The following PTPRM variants were observed in gnomAD, a reference collection of about 807,000 sequenced individuals.
PTPRM encodes the protein receptor-type tyrosine-protein phosphatase mu.
Under a neutral mutation model 186.7 loss-of-function variants are expected in PTPRM, and 47 were observed. The ratio of observed to expected loss-of-function variants is 0.25; its 90% CI spans 0.20 to 0.32. The LOEUF (loss-of-function observed/expected upper bound fraction) is 0.32, where lower values mean the gene tolerates loss of function less well. Ranked by LOEUF, PTPRM falls within the 10% of genes least tolerant of loss-of-function variation. The pLI, the probability that PTPRM is intolerant of heterozygous loss-of-function variation, is 1.00. For synonymous variants in PTPRM, 668 were observed against 674.9 expected, an observed-to-expected ratio of 0.99 and a Z score of 0.16; for missense variants, 1,494 against 1,865.0, an observed-to-expected ratio of 0.80 and a Z score of 3.66.
chr18:7,954,141 G>C (rs553816660), intron 6 of PTPRM, among the ~76,000 whole-genome samples: 1 of 152,130 alleles, frequency 6.6e-6, no homozygotes, highest in African/African-American at 2.4e-5. Flanking sequence ...GCCTTTCAAC[G>C]GGCATCTAAC....
intron 1 of PTPRM, among the ~76,000 whole-genome samples, chr18:7,620,349 C>T (rs1386299737): frequency 6.6e-6 from 1 of 152,156 alleles, no homozygotes; most frequent in Non-Finnish European, 1.5e-5. Flanking sequence ...TGGGAATTCT[C>T]AATTTTATGC....
At chr18:7,610,263 T>G (rs1476896939) in intron 1 of PTPRM, among the ~76,000 whole-genome samples, 1 of 152,234 alleles carries the variant, frequency 6.6e-6, no homozygotes, top group East Asian at 1.9e-4. Flanking sequence ...GTTCTCAGAC[T>G]TGGGTTCCTG....
At chr18:7,637,427 CA>C (rs1490390300) in intron 1 of PTPRM, among the ~76,000 whole-genome samples, 1 of 152,136 alleles carries the variant, frequency 6.6e-6, no homozygotes, top group Admixed American at 6.5e-5. Context: ...ACAGCGTCCA[CA>C]GTAGAAAAGG....
At chr18:7,904,457 T>A (rs2146533058) in intron 3 of PTPRM, among the ~76,000 whole-genome samples, 1 of 152,286 alleles carries the variant, frequency 6.6e-6, no homozygotes, top group African/African-American at 2.4e-5. Flanking sequence ...CAACCACTAA[T>A]TTGTCCTCCA....
chr18:8,092,485 C>T (rs1011066447), intron 11 of PTPRM, among the ~76,000 whole-genome samples: 1 of 152,132 alleles, frequency 6.6e-6, no homozygotes, highest in African/African-American at 2.4e-5. Flanking sequence ...GCAATTGTAG[C>T]TCACTGCAGT....
intron 3 of PTPRM, among the ~76,000 whole-genome samples, chr18:7,903,563 G>A (rs1437005123): frequency 6.6e-6 from 1 of 152,196 alleles, no homozygotes. Context: ...ATAGACTTTA[G>A]TAGTAGACAG....
chr18:7,714,384 T>C (rs569383267), intron 1 of PTPRM, among the ~76,000 whole-genome samples: 1 of 152,066 alleles, frequency 6.6e-6, no homozygotes, highest in Non-Finnish European at 1.5e-5. Flanking sequence ...AGAGGGAAAT[T>C]TATAGCACTA....
At chr18:8,139,246 C>T (rs181265723) in intron 13 of PTPRM, among the ~76,000 whole-genome samples, 11 of 152,252 alleles carry the variant, frequency 7.2e-5, no homozygotes, top group African/African-American at 2.2e-4. Flanking sequence ...TCCAGTGACT[C>T]CTGCCAGAAA....
intron 7 of PTPRM, among the ~76,000 whole-genome samples, chr18:8,050,787 A>T (rs1189117324): frequency 6.6e-6 from 1 of 152,176 alleles, no homozygotes; most frequent in East Asian, 1.9e-4. Context: ...TTCTAATTGC[A>T]CAGAGGTACA....
At chr18:8,091,697 C>T (rs1474517145) in intron 11 of PTPRM, among the ~76,000 whole-genome samples, 4 of 150,816 alleles carry the variant, frequency 2.7e-5, no homozygotes, top group Non-Finnish European at 4.4e-5. Flanking sequence ...ACCAATATAG[C>T]GAGAAAGACT....
At chr18:8,326,014 A>G (rs2095373847) in intron 22 of PTPRM, among the ~76,000 whole-genome samples, 1 of 152,114 alleles carries the variant, frequency 6.6e-6, no homozygotes, top group African/African-American at 2.4e-5. Flanking sequence ...CAAATTTTTA[A>G]TGGGGTTATT....
In PTPRM at chr18:8,125,731, A is replaced by G. The variant is rs561094682; in HGVS notation, c.2167+10904A>G. On this transcript the variant is annotated intron_variant, in intron 13 of 32. Transcript: ENST00000580170. ...AAATCCTACTCTAAAGAGTACACAC[A>G]GAGTAAGTTCTAGAAATTGGAAATG... Among the ~76,000 whole-genome samples, 3 of 151,996 alleles carry G rather than the reference A, an allele frequency of 2.0e-5. No homozygotes were observed. In the East Asian group the frequency reaches 5.9e-4, roughly 30 times the overall value.
At chr18:7,605,364 T>C (rs1483016289) in intron 1 of PTPRM, among the ~76,000 whole-genome samples, 1 of 152,104 alleles carries the variant, frequency 6.6e-6, no homozygotes, top group Non-Finnish European at 1.5e-5. Flanking sequence ...GATAAATTCT[T>C]AGAAATTAGC....
chr18:8,380,491 G>A, intron 29 of PTPRM, 64 bp downstream of exon 29: 1 of 1,592,896 alleles, frequency 6.3e-7, no homozygotes. Flanking sequence ...TTTACACTGA[G>A]TTTGTTTGCA....
intron 26 of PTPRM, 64 bp from the exon 27 acceptor site, chr18:8,378,201 G>C: frequency 6.7e-7 from 1 of 1,485,564 alleles, no homozygotes; most frequent in Non-Finnish European, 9.3e-7. Context: ...GGCTAAAATT[G>C]ATACCGTCTT....
At chr18:8,001,127 T>C (rs2083847162) in intron 7 of PTPRM, among the ~76,000 whole-genome samples, 1 of 152,228 alleles carries the variant, frequency 6.6e-6, no homozygotes, top group Admixed American at 6.5e-5. Context: ...ACATTCAGCA[T>C]GTGCCTGAAG....
chr18:7,701,492 C>G (rs1239547221), intron 1 of PTPRM, among the ~76,000 whole-genome samples: 1 of 151,628 alleles, frequency 6.6e-6, no homozygotes, highest in Non-Finnish European at 1.5e-5. Flanking sequence ...CCCAGCTACT[C>G]CAGAGGCTGA....
intron 7 of PTPRM, among the ~76,000 whole-genome samples, chr18:7,997,673 A>T (rs550318600): frequency 6.6e-6 from 1 of 152,286 alleles, no homozygotes; most frequent in African/African-American, 2.4e-5. Flanking sequence ...GAACTCAAAC[A>T]ACCCAACAAC....
chr18:7,680,317 G>A (rs73939334), intron 1 of PTPRM, among the ~76,000 whole-genome samples: 2,948 of 152,228 alleles, frequency 0.019, 89 homozygotes, highest in African/African-American at 0.067. Context: ...TGTGAATGGC[G>A]TCTCTGTCCC....
Sources: allele counts gnomAD v4.1 joint callset (sites outside exome capture counted in the v4.1 genomes callset), GRCh38; gene constraint gnomAD v4.1.1; transcripts MANE v1.5; gene names NCBI Gene and HGNC (gene_info 2026-07-23, HGNC 2026-07-21).